The following ECPAS variants were observed in gnomAD, a reference collection of about 807,000 sequenced individuals.
ECPAS encodes Ecm29 proteasome adaptor and scaffold, also known as proteasome adapter and scaffold protein ECM29.
ECPAS carries 70 observed loss-of-function variants against 255.1 expected under a neutral mutation model. That is an observed-to-expected ratio of 0.27 (90% confidence interval 0.23 to 0.33). The LOEUF is 0.33. Among genes scored for constraint, ECPAS ranks in the 10% least tolerant of loss-of-function variants. The probability of loss-of-function intolerance (pLI) is 1.00; values close to 1 mark genes in which losing one functional copy is unlikely to be tolerated. For synonymous variants in ECPAS, 784 were observed against 775.0 expected, an observed-to-expected ratio of 1.01 and a Z score of -0.19; for missense variants, 1,817 against 2,206.4, an observed-to-expected ratio of 0.82 and a Z score of 3.54.
chr9:111,378,401 A>G (rs1177714508), intron 36 of ECPAS, among the ~76,000 whole-genome samples, 179 bp downstream of exon 36: 1 of 152,230 alleles, frequency 6.6e-6, no homozygotes. Context: ...TTTTCATCCA[A>G]TTCACAAGAC....
chr9:111,478,271 G>T (rs1285819698), intron 1 of ECPAS, among the ~76,000 whole-genome samples: 1 of 150,326 alleles, frequency 6.7e-6, no homozygotes, highest in Non-Finnish European at 1.5e-5. Context: ...GCTCACGCCT[G>T]TAATCCCAGC....
At chr9:111,372,371 T>TA in intron 42 of ECPAS, 58 bp downstream of exon 42, 1 of 1,486,406 alleles carries the variant, frequency 6.7e-7, no homozygotes, top group East Asian at 2.3e-5. Flanking sequence ...CGAATGCAAG[T>TA]AAAAAATTCT....
intron 8 of ECPAS, among the ~76,000 whole-genome samples, chr9:111,431,072 T>C (rs1356231545): frequency 6.6e-6 from 1 of 152,172 alleles, no homozygotes; most frequent in Admixed American, 6.5e-5. Context: ...TTTTTACCCA[T>C]GAAATTAAAG....
intron 6 of ECPAS, among the ~76,000 whole-genome samples, chr9:111,438,671 G>A (rs767498252): frequency 1.1e-4 from 16 of 152,220 alleles, no homozygotes; most frequent in Admixed American, 2.0e-4. Flanking sequence ...GCCATCTGGA[G>A]TAAGCTGAGA....
At chr9:111,469,762 TC>T (rs1282101634) in intron 2 of ECPAS, among the ~76,000 whole-genome samples, 1 of 151,432 alleles carries the variant, frequency 6.6e-6, no homozygotes, top group Non-Finnish European at 1.5e-5. Context: ...TGAGCCGAGA[TC>T]GCGCCACTGC....
intron 10 of ECPAS, among the ~76,000 whole-genome samples, chr9:111,427,395 T>G (rs533380969): frequency 5.6e-4 from 85 of 152,186 alleles, no homozygotes; most frequent in Non-Finnish European, 9.4e-4. Context: ...CTTAAGTGAC[T>G]AAGTTGCTAA....
chr9:111,468,473 C>G (rs1235218133), intron 2 of ECPAS, among the ~76,000 whole-genome samples: 2 of 152,074 alleles, frequency 1.3e-5, no homozygotes, highest in East Asian at 3.9e-4. Context: ...GACTCCAAAC[C>G]AGCAGAGATG....
Position 111,466,616 on chromosome 9 carries a change from TACACACACACACACACACAC to T in ECPAS, c.22+6261_22+6280del, listed in dbSNP as rs55763374. ...TCTACTAAAAATATAAATAACTAAATACACACACACACACACACACACACACACACACACACACACGTTTT... is the reference window on the plus strand; with the variant it reads ...TCTACTAAAAATATAAATAACTAAATACACACACACACACACACACGTTTT... On this transcript the variant is annotated intron_variant, in intron 2 of 49. Transcript: ENST00000684092. Among the ~76,000 whole-genome samples the T allele has an allele frequency of 1.7e-3, 238 of 143,502 alleles. 1 individual carries two copies. The highest frequency in any genetic ancestry group is 6.0e-3 in the African/African-American group (231 of 38,608). The allele number at this position is 143,502 out of a possible 152,430, so 94.1% of individuals were successfully genotyped here.
At chr9:111,479,690 T>A (rs555128414) in intron 1 of ECPAS, among the ~76,000 whole-genome samples, 1 of 151,814 alleles carries the variant, frequency 6.6e-6, no homozygotes, top group South Asian at 2.1e-4. Context: ...CTAAAAAAGT[T>A]TAACAATTGG....
chr9:111,382,602 T>C (rs1276579572), intron 35 of ECPAS, among the ~76,000 whole-genome samples: 1 of 152,076 alleles, frequency 6.6e-6, no homozygotes. Context: ...TGCCTTTGCA[T>C]TTGTTAGGTG....
At chr9:111,402,358 T>C (rs2098177498) in intron 24 of ECPAS, among the ~76,000 whole-genome samples, 1 of 152,180 alleles carries the variant, frequency 6.6e-6, no homozygotes, top group Non-Finnish European at 1.5e-5. Context: ...CTACAGTTCT[T>C]CAATCTGAAA....
At chr9:111,384,453 A>G in intron 34 of ECPAS, 69 bp downstream of exon 34, 2 of 1,373,546 alleles carry the variant, frequency 1.5e-6, no homozygotes, top group South Asian at 2.3e-5. Context: ...TATGACAGTA[A>G]GTAAATCATT....
intron 22 of ECPAS, among the ~76,000 whole-genome samples, 157 bp downstream of exon 22, chr9:111,410,823 T>C (rs1384237652): frequency 1.3e-5 from 2 of 152,184 alleles, no homozygotes; most frequent in East Asian, 1.9e-4. Context: ...CCAGCCTTCG[T>C]TGTTACTAAA....
Position 111,430,605 on chromosome 9 carries a change from G to C in ECPAS, c.872C>G (p.Ala291Gly). 6.3e-7 allele frequency: 1 copy of C among 1,595,824 alleles called. No homozygotes were observed. Among genetic ancestry groups the C allele is most frequent in the Non-Finnish European group, 8.6e-7 (1 of 1,169,572 alleles). The change falls in exon 9 of 50, where the codon GCC becomes GGC. Residue 291 changes from alanine to glycine, a missense_variant. Physicochemically the swap from Ala to Gly is moderately conservative, Grantham distance 60. This residue lies in a region of ECPAS where 573 missense variants were observed against 716.2 expected (regional missense o/e 0.80). Transcript: ENST00000684092. ...KQSLIDWNNP[A>G]IINKMYKVYL... ...CACCTTGTACATCTTATTAATGATG[G>C]CAGGATTATTCCAGTCAATTAAGCT...
intron 12 of ECPAS, among the ~76,000 whole-genome samples, chr9:111,425,100 T>C (rs2131814965): frequency 1.3e-5 from 2 of 151,728 alleles, no homozygotes; most frequent in East Asian, 3.9e-4. Context: ...GGCAAGAGAA[T>C]CACTTGAACC....
intron 2 of ECPAS, among the ~76,000 whole-genome samples, chr9:111,455,871 A>G (rs2098266325): frequency 6.6e-6 from 1 of 152,182 alleles, no homozygotes. Context: ...TTTCACTCAC[A>G]TGACTTTTCC....
intron 29 of ECPAS, 51 bp from the exon 30 acceptor site, chr9:111,390,152 G>T: frequency 8.9e-7 from 1 of 1,125,282 alleles, no homozygotes; most frequent in Non-Finnish European, 1.3e-6. Flanking sequence ...TCTCTCTCCA[G>T]CCTAAAAAAT....
chr9:111,436,536 G>A (rs1187117404), intron 7 of ECPAS, among the ~76,000 whole-genome samples: 2 of 151,956 alleles, frequency 1.3e-5, no homozygotes, highest in Admixed American at 6.6e-5. Flanking sequence ...AAAACGTACA[G>A]CCCTTAAAAG....
At chr9:111,482,383 G>A (rs1264252278) in intron 1 of ECPAS, among the ~76,000 whole-genome samples, 1 of 152,186 alleles carries the variant, frequency 6.6e-6, no homozygotes, top group African/African-American at 2.4e-5. Context: ...TTTAAAACAA[G>A]GATAATTCCT....
Sources: gnomAD v4.1 joint callset for allele counts (sites outside exome capture counted in the v4.1 genomes callset) on GRCh38, gnomAD v4.1.1 for gene constraint, gnomAD v4.1.1 regional missense constraint, MANE v1.5 for transcripts, NCBI Gene and HGNC (gene_info 2026-07-23, HGNC 2026-07-21) for gene names.